Variants in IQCK observed in about 807,000 individuals in gnomAD.
The protein encoded by IQCK is IQ motif containing K, also known as IQ domain-containing protein K.
Under a neutral mutation model 28.1 loss-of-function variants are expected in IQCK, and 29 were observed. The observed-to-expected ratio is 1.03, with a 90% CI of 0.77 to 1.41. IQCK has a LOEUF of 1.41. IQCK is among the 40% of genes most tolerant of loss of function. The probability of loss-of-function intolerance (pLI) is 0.00; values close to 1 mark genes in which losing one functional copy is unlikely to be tolerated. For missense variants in IQCK, 359 were observed against 314.7 expected (o/e 1.14, Z -1.07); for synonymous variants, 113 against 115.1 (o/e 0.98, Z 0.12).
At chr16:19,813,969 A>G (rs1217401525) in intron 7 of IQCK, among the ~76,000 whole-genome samples, 2 of 152,094 alleles carry the variant, frequency 1.3e-5, no homozygotes, top group African/African-American at 4.8e-5. Context: ...CTGTAATCCC[A>G]GCACTTTGGG....
chr16:19,732,373 G>A (rs1374974574), intron 2 of IQCK, among the ~76,000 whole-genome samples: 1 of 152,178 alleles, frequency 6.6e-6, no homozygotes, highest in Non-Finnish European at 1.5e-5. Flanking sequence ...AACACTGACT[G>A]GGTGCTCCTG....
intron 4 of IQCK, among the ~76,000 whole-genome samples, chr16:19,756,198 A>G (rs1019305964): frequency 1.3e-5 from 2 of 152,168 alleles, no homozygotes; most frequent in Admixed American, 1.3e-4. Context: ...TCGGCAAAGC[A>G]TAGTTCACCA....
In IQCK at chr16:19,774,074, A is replaced by G. The variant is rs7184387; in HGVS notation, c.605+9962A>G. 2.3e-3 allele frequency among the ~76,000 whole-genome samples: 356 copies of G among 152,304 alleles called. 3 individuals are homozygous for G. The highest frequency in any genetic ancestry group is 8.3e-3 in the African/African-American group (343 of 41,556). On this transcript the variant is annotated intron_variant, in intron 6 of 7. Transcript: ENST00000564186. ...AGCTGAAGAAGATGACAGTGAGTCA[A>G]ATCCCAAAGTTGCCAAAGGAAGTGT...
At chr16:19,770,735 G>A (rs1251165619) in intron 6 of IQCK, among the ~76,000 whole-genome samples, 1 of 152,096 alleles carries the variant, frequency 6.6e-6, no homozygotes, top group African/African-American at 2.4e-5. Context: ...TGATTCTTCT[G>A]CCTAACCCTC....
chr16:19,851,265 C>T (rs1320958764), intron 9 of IQCK, among the ~76,000 whole-genome samples: 2 of 152,166 alleles, frequency 1.3e-5, no homozygotes, highest in African/African-American at 2.4e-5. Flanking sequence ...AAAACACCCA[C>T]CCACAGCACT....
At chr16:19,768,539 G>A (rs1323526540) in intron 6 of IQCK, among the ~76,000 whole-genome samples, 1 of 152,166 alleles carries the variant, frequency 6.6e-6, no homozygotes, top group African/African-American at 2.4e-5. Flanking sequence ...CTGAAGTCAA[G>A]AGTTTGAGAC....
rs115975716 is a variant in IQCK, at chr16:19,774,298, G to A, written c.605+10186G>A. Among the ~76,000 whole-genome samples, 293 of 150,902 alleles carry A rather than the reference G, an allele frequency of 1.9e-3. 3 individuals are homozygous for A. The highest frequency in any genetic ancestry group is 6.9e-3 in the African/African-American group (284 of 41,090). ...CTTTCAACTGAACAAAGTTCCCCCCGTAAGAGGAATCCTAGTGCCAACTAT... is the reference window on the plus strand; with the variant it reads ...CTTTCAACTGAACAAAGTTCCCCCCATAAGAGGAATCCTAGTGCCAACTAT... On this transcript the variant is annotated intron_variant, in intron 6 of 7. Transcript: ENST00000564186.
At chr16:19,857,420 T>G (rs2056575458) in exon 10 of IQCK, 1 of 439,648 alleles carries the variant, frequency 2.3e-6, no homozygotes, top group African/African-American at 2.0e-5. Context: ...TACATATTGA[T>G]TGTCTTGAAA....
At chr16:19,766,696 C>T (rs191134028) in intron 6 of IQCK, among the ~76,000 whole-genome samples, 1 of 152,170 alleles carries the variant, frequency 6.6e-6, no homozygotes, top group Non-Finnish European at 1.5e-5. Flanking sequence ...CAGTAGCACC[C>T]TCCTACAGTT....
chr16:19,811,668 C>T (rs1002811139), intron 7 of IQCK, among the ~76,000 whole-genome samples: 10 of 152,148 alleles, frequency 6.6e-5, no homozygotes, highest in Non-Finnish European at 1.3e-4. Flanking sequence ...CTGAGCAGTC[C>T]TTTTTGACTC....
At chr16:19,789,578 ACGT>A (rs2151732506) in intron 7 of IQCK, among the ~76,000 whole-genome samples, 1 of 48,992 alleles carries the variant, frequency 2.0e-5, no homozygotes, top group East Asian at 4.7e-4. Flanking sequence ...TGGAAAATTC[ACGT>A]AAGTCGAATA....
chr16:19,820,440 C>G (rs997225180), intron 7 of IQCK, among the ~76,000 whole-genome samples: 5 of 152,010 alleles, frequency 3.3e-5, no homozygotes, highest in Non-Finnish European at 5.9e-5. Context: ...ATGAGGTCAG[C>G]AGATCAAGAC....
In IQCK at chr16:19,733,523, G is replaced by A. The variant is rs897222921; in HGVS notation, c.247-175G>A. ...CTTCTTTTCTCTATCAGGGGTTTCT[G>A]CCTTGTCGTTTATAGGTGTCTCAGG... On this transcript the variant is annotated intron_variant, in intron 2 of 7. Transcript: ENST00000564186. Among the ~76,000 whole-genome samples, 5 of 152,116 alleles carry A rather than the reference G, an allele frequency of 3.3e-5. 1 individual carries two copies. The South Asian group carries it at 1.0e-3, about 31-fold the overall frequency.
At chr16:19,724,119 C>T (rs1273929575) in intron 1 of IQCK, among the ~76,000 whole-genome samples, 1 of 152,164 alleles carries the variant, frequency 6.6e-6, no homozygotes, top group African/African-American at 2.4e-5. Context: ...CTCCAGTGCA[C>T]CATACTATTC....
chr16:19,747,993 C>G (rs2054935488), intron 4 of IQCK, among the ~76,000 whole-genome samples: 1 of 151,880 alleles, frequency 6.6e-6, no homozygotes. Context: ...TTAGCTCCAG[C>G]CTGGTGACTT....
At chr16:19,774,032 G>A (rs975475948) in intron 6 of IQCK, among the ~76,000 whole-genome samples, 5 of 152,178 alleles carry the variant, frequency 3.3e-5, no homozygotes, top group African/African-American at 1.2e-4. Flanking sequence ...AAGTAGCTGA[G>A]AACACTGGGA....
At chr16:19,804,169 T>C (rs2055802150) in intron 7 of IQCK, among the ~76,000 whole-genome samples, 1 of 151,568 alleles carries the variant, frequency 6.6e-6, no homozygotes, top group African/African-American at 2.4e-5. Context: ...GCCAATATGG[T>C]GAAACCCTGT....
intron 2 of IQCK, among the ~76,000 whole-genome samples, chr16:19,731,763 G>A (rs1046966264): frequency 6.6e-6 from 1 of 152,196 alleles, no homozygotes; most frequent in African/African-American, 2.4e-5. Flanking sequence ...TGGCTCACAC[G>A]ATTACGGAGG....
intron 4 of IQCK, among the ~76,000 whole-genome samples, chr16:19,747,908 G>A (rs1020682645): frequency 6.6e-6 from 1 of 152,118 alleles, no homozygotes; most frequent in African/African-American, 2.4e-5. Context: ...GGAGAATGGT[G>A]GCCCTTTTTG....
Sources: allele counts gnomAD v4.1 joint callset (sites outside exome capture counted in the v4.1 genomes callset), GRCh38; gene constraint gnomAD v4.1.1; transcripts MANE v1.5; gene names NCBI Gene and HGNC (gene_info 2026-07-23, HGNC 2026-07-21).